The following CROT variants were observed in gnomAD, a reference collection of about 807,000 sequenced individuals.
CROT encodes carnitine O-octanoyltransferase.
A neutral mutation model predicts 89.2 loss-of-function variants in CROT; 84 were observed. The observed-to-expected ratio is 0.94, with a 90% CI of 0.79 to 1.13. The LOEUF (loss-of-function observed/expected upper bound fraction) is 1.13, where lower values mean the gene tolerates loss of function less well. Ranked by LOEUF, CROT falls within the 50% of genes most tolerant of loss-of-function variation. The pLI is 0.00. For synonymous variants in CROT, 212 were observed against 239.5 expected (o/e 0.89, Z 1.06); for missense variants, 711 against 727.8 (o/e 0.98, Z 0.27).
In CROT at chr7:87,398,843, C is replaced by T. The variant is rs17149512; in HGVS notation, c.*199C>T. On this transcript the variant is annotated 3_prime_UTR_variant, in exon 18 of 18. Transcript: ENST00000331536. ...CATAGAAGGTAGAAATATTTTTAAG[C>T]TCCTCTGATGCAGCAGCAATGCAAA... The T allele has an allele frequency of 0.071, 40,338 of 570,002 alleles. 1,830 individuals carry two copies. Among genetic ancestry groups the T allele is most frequent in the South Asian group, 0.15 (7,008 of 46,364 alleles). 35.3% of individuals were successfully genotyped at this position (570,002 alleles called of 1,614,324 possible). A position where few individuals can be genotyped will look rare whatever the true frequency, so the allele number is the denominator to read the frequency against.
At chr7:87,361,655 G>C (rs1806277985) in intron 5 of CROT, 73 bp from the exon 6 acceptor site, 1 of 1,528,634 alleles carries the variant, frequency 6.5e-7, no homozygotes, top group Admixed American at 2.1e-5. Context: ...ACTTATTTGG[G>C]GATGAACACT....
intron 3 of CROT, among the ~76,000 whole-genome samples, chr7:87,353,179 G>A (rs553250498): frequency 2.0e-5 from 3 of 151,172 alleles, no homozygotes; most frequent in Non-Finnish European, 2.9e-5. Context: ...ACATGGTCTC[G>A]TTCCGTTGCC....
At chr7:87,381,751 T>C (rs17149486) in intron 10 of CROT, among the ~76,000 whole-genome samples, 159 bp from the exon 11 acceptor site, 4,070 of 152,250 alleles carry the variant, frequency 0.027, 177 homozygotes, top group African/African-American at 0.093. Context: ...TACTGAACTG[T>C]AGGGAATCTT....
chr7:87,370,396 T>C (rs1264238135), intron 7 of CROT, among the ~76,000 whole-genome samples: 1 of 152,160 alleles, frequency 6.6e-6, no homozygotes, highest in Non-Finnish European at 1.5e-5. Flanking sequence ...TTGGCCAAGC[T>C]GGTCTTGAAC....
At chr7:87,353,735 T>C (rs1805955671) in intron 3 of CROT, among the ~76,000 whole-genome samples, 1 of 151,932 alleles carries the variant, frequency 6.6e-6, no homozygotes, top group South Asian at 2.1e-4. Context: ...GAGGAAGAGG[T>C]GCCACACACT....
chr7:87,354,306 A>G, intron 3 of CROT: 1 of 503,548 alleles, frequency 2.0e-6, no homozygotes, highest in East Asian at 5.7e-5. Context: ...CCAAAAAGGC[A>G]AAGAAAAATT....
chr7:87,354,351 A>T, intron 3 of CROT: 1 of 517,860 alleles, frequency 1.9e-6, no homozygotes, highest in South Asian at 1.4e-5. Flanking sequence ...TGGGAAGCCC[A>T]TTTAGATAAC....
Position 87,375,491 on chromosome 7 carries a change from A to T in CROT, c.657-141A>T, listed in dbSNP as rs1806780542. ...CACTTAAAAAAATATGTGATGTAGG[A>T]AATCTATTGGCATCATAAGTGGTTT... On this transcript the variant is annotated intron_variant, in intron 7 of 17. Coordinates refer to ENST00000331536, the MANE Select transcript of CROT (RefSeq NM_021151.4). 6 of 574,998 alleles carry T rather than the reference A, an allele frequency of 1.0e-5. No homozygotes were observed. The South Asian group carries it at 1.4e-4, about 14-fold the overall frequency. The allele number at this position is 574,998 out of a possible 1,614,324, so 35.6% of individuals were successfully genotyped here.
Position 87,382,529 on chromosome 7 carries a change from C to G in CROT, c.1287C>G (p.Tyr429Ter). ...FIQLALQLAY[Y>*]RLHGHPGCCY... Reference sequence around the variant, plus strand: ...AGCTTGCACTTCAGCTGGCCTATTACAGACTTCATGGACAGTAAGGACCAT... The same window carrying G: ...AGCTTGCACTTCAGCTGGCCTATTAGAGACTTCATGGACAGTAAGGACCAT... Residue 429 changes from tyrosine to a stop codon, truncating the protein, a stop_gained, in exon 13 of 18, where the codon TAC becomes TAG. Transcript: ENST00000331536. LOFTEE classifies it high-confidence loss of function. The G allele has an allele frequency of 6.2e-7, 1 of 1,613,822 alleles. No individual in the cohort carries two copies. The highest frequency in any genetic ancestry group is 8.5e-7 in the Non-Finnish European group (1 of 1,179,794).
chr7:87,361,777 C>T lies in CROT; in HGVS notation c.472C>T (p.Gln158Ter). ...KVGNTPLDMNQFRMLFSTCKV... is the reference protein window; with the variant it reads ...KVGNTPLDMN ...TGGAAATACTCCTCTAGATATGAAT[C>T]AATTCCGAATGCTATTTTCTACCTG... The change falls in exon 6 of 18, where the codon CAA becomes TAA. Residue 158 changes from glutamine to a stop codon, truncating the protein, a stop_gained. Transcript: ENST00000331536. LOFTEE classifies it high-confidence loss of function. 1 of 1,608,490 alleles carries T rather than the reference C, an allele frequency of 6.2e-7. No individual in the cohort carries two copies. The highest frequency in any genetic ancestry group is 8.5e-7 in the Non-Finnish European group (1 of 1,177,242).
intron 7 of CROT, among the ~76,000 whole-genome samples, chr7:87,370,450 T>G (rs1464209789): frequency 6.6e-6 from 1 of 152,236 alleles, no homozygotes; most frequent in Non-Finnish European, 1.5e-5. Context: ...CCCAAAGTGC[T>G]GGGATTACAG....
intron 17 of CROT, 79 bp from the exon 18 acceptor site, chr7:87,398,445 G>T: frequency 6.6e-7 from 1 of 1,525,882 alleles, no homozygotes; most frequent in Non-Finnish European, 9.0e-7. Context: ...ATATCCAGAT[G>T]AAATAAAGTC....
intron 3 of CROT, 90 bp from the exon 4 acceptor site, chr7:87,359,116 T>C: frequency 1.1e-6 from 1 of 874,324 alleles, no homozygotes. Context: ...TTTACATATC[T>C]GAGTCTTAAG....
At chr7:87,395,753 C>T (rs1264759518) in intron 17 of CROT, among the ~76,000 whole-genome samples, 1 of 152,106 alleles carries the variant, frequency 6.6e-6, no homozygotes, top group African/African-American at 2.4e-5. Flanking sequence ...CACCCAGAAC[C>T]CCATGATTTA....
chr7:87,374,622 A>C (rs1226996866), intron 7 of CROT, among the ~76,000 whole-genome samples: 2 of 152,094 alleles, frequency 1.3e-5, no homozygotes, highest in South Asian at 4.1e-4. Flanking sequence ...TTGCTCTGCT[A>C]TAGATGCAGA....
In CROT at chr7:87,345,718, G is replaced by A. The variant is rs1805639229; in HGVS notation, c.-162G>A. The A allele has an allele frequency of 5.6e-6, 2 of 354,596 alleles. No homozygotes were observed. The highest frequency in any genetic ancestry group is 4.1e-5 in the East Asian group (1 of 24,280). The allele number at this position is 354,596 out of a possible 1,614,324, so 22.0% of individuals were successfully genotyped here. A position where few individuals can be genotyped will look rare whatever the true frequency, so the allele number is the denominator to read the frequency against. On this transcript the variant is annotated 5_prime_UTR_variant, in exon 1 of 18. Coordinates refer to ENST00000331536, the MANE Select transcript of CROT (RefSeq NM_021151.4). ...GGGGGAGCGAGCCGGTGCTGCTGCA[G>A]GCTGAGGCTGCGGCAGAGGCGGCGA...
At chr7:87,398,086 C>T (rs1232855883) in intron 17 of CROT, among the ~76,000 whole-genome samples, 1 of 141,956 alleles carries the variant, frequency 7.0e-6, no homozygotes, top group African/African-American at 2.6e-5. Context: ...CCTTTCTCAC[C>T]TATCATCCTT....
intron 6 of CROT, among the ~76,000 whole-genome samples, chr7:87,365,571 A>G (rs1806412970): frequency 1.3e-5 from 2 of 150,178 alleles, no homozygotes; most frequent in Admixed American, 1.3e-4. Context: ...CACTGAGGTT[A>G]GTCTCAATAA....
At chr7:87,384,416 T>C (rs1216227780) in intron 13 of CROT, among the ~76,000 whole-genome samples, 3 of 152,088 alleles carry the variant, frequency 2.0e-5, no homozygotes, top group Non-Finnish European at 4.4e-5. Context: ...TCTGTACCTC[T>C]ACCTACTCAG....
Sources: gnomAD v4.1 joint callset for allele counts (sites outside exome capture counted in the v4.1 genomes callset) on GRCh38, gnomAD v4.1.1 for gene constraint, MANE v1.5 for transcripts, NCBI Gene and HGNC (gene_info 2026-07-23, HGNC 2026-07-21) for gene names.